SMYD3: variants seen among roughly 807,000 people sequenced by gnomAD.
SMYD3 encodes the protein SET and MYND domain containing 3.
SMYD3 carries 36 observed loss-of-function variants against 57.7 expected under a neutral mutation model. That is an observed-to-expected ratio of 0.62 (90% CI 0.48 to 0.82). SMYD3 has a LOEUF of 0.82. Ranked by LOEUF, SMYD3 falls within the 40% of genes least tolerant of loss-of-function variation. The pLI, the probability that SMYD3 is intolerant of heterozygous loss-of-function variation, is 0.00. For missense variants in SMYD3, 515 were observed against 538.8 expected, an observed-to-expected ratio of 0.96 and a Z score of 0.44; for synonymous variants, 211 against 195.0, an observed-to-expected ratio of 1.08 and a Z score of -0.68.
rs543024323 is a variant in SMYD3 at position 246,258,144 on chromosome 1, C to T, written c.531+69057G>A. ...CTCTGCCTCCTGGGTTCAAGCAATT[C>T]TCCTGCCTCAGCCTCCCGAGTAGCT... On this transcript the variant is annotated intron_variant, in intron 5 of 11. Coordinates refer to ENST00000490107, the MANE Select transcript of SMYD3 (RefSeq NM_001167740.2). Among the ~76,000 whole-genome samples the T allele has an allele frequency of 7.9e-4, 121 of 152,322 alleles. 2 individuals are homozygous for T. In the South Asian group the frequency reaches 0.024, roughly 31 times the overall value.
intron 5 of SMYD3, among the ~76,000 whole-genome samples, chr1:246,230,313 G>A (rs751571292): frequency 6.6e-6 from 1 of 151,894 alleles, no homozygotes; most frequent in Non-Finnish European, 1.5e-5. Context: ...GAAAGAATAG[G>A]CCATTTCCCT....
chr1:245,876,771 G>A (rs186059581), intron 8 of SMYD3, among the ~76,000 whole-genome samples: 474 of 152,332 alleles, frequency 3.1e-3, no homozygotes, highest in African/African-American at 0.011. Flanking sequence ...CATTCCAGTG[G>A]TTGAAACGGC....
chr1:246,232,304 A>G (rs980269494), intron 5 of SMYD3, among the ~76,000 whole-genome samples: 1 of 152,234 alleles, frequency 6.6e-6, no homozygotes, highest in Non-Finnish European at 1.5e-5. Context: ...AATTCTCAAC[A>G]GTAAAATAAA....
chr1:246,491,749 C>T (rs920154544), intron 1 of SMYD3, among the ~76,000 whole-genome samples: 9 of 152,048 alleles, frequency 5.9e-5, no homozygotes, highest in Admixed American at 4.6e-4. Flanking sequence ...AGGAACTGAC[C>T]GATACTATCA....
chr1:246,043,288 T>C (rs536237205), intron 5 of SMYD3, among the ~76,000 whole-genome samples: 14 of 152,356 alleles, frequency 9.2e-5, no homozygotes, highest in African/African-American at 3.4e-4. Context: ...TTCAGACTAA[T>C]ATTTACTGAG....
chr1:246,081,761 G>GA (rs2060640691), intron 5 of SMYD3, among the ~76,000 whole-genome samples: 1 of 152,170 alleles, frequency 6.6e-6, no homozygotes, highest in African/African-American at 2.4e-5. Flanking sequence ...CCTCCTGCTA[G>GA]AAAAAATTTA....
intron 7 of SMYD3, among the ~76,000 whole-genome samples, chr1:245,927,653 C>T (rs897204632): frequency 3.3e-5 from 5 of 152,148 alleles, no homozygotes; most frequent in African/African-American, 1.2e-4. Context: ...AACACACACC[C>T]TCTGTCATAC....
rs386370347 is a variant in SMYD3 at position 246,310,661 on chromosome 1, C to CTT, written c.531+16538_531+16539dup. On this transcript the variant is annotated intron_variant, in intron 5 of 11. Transcript: ENST00000490107. ...TTAGGGGAAAGGACAAAGAGTAAGGCTTTTTTTTTTTTTTTTTTTTTTTTC... is the reference window on the plus strand; with the variant it reads ...TTAGGGGAAAGGACAAAGAGTAAGGCTTTTTTTTTTTTTTTTTTTTTTTTTTC... Among the ~76,000 whole-genome samples, 41 of 72,204 alleles carry CTT rather than the reference C, an allele frequency of 5.7e-4. 2 individuals are homozygous for CTT. The highest frequency in any genetic ancestry group is 7.1e-4 in the Non-Finnish European group (29 of 41,062). The allele number at this position is 72,204 out of a possible 152,430, so 47.4% of individuals were successfully genotyped here.
intron 1 of SMYD3, among the ~76,000 whole-genome samples, chr1:246,431,451 C>T (rs1193992595): frequency 6.6e-6 from 1 of 152,114 alleles, no homozygotes; most frequent in Non-Finnish European, 1.5e-5. Context: ...AACTTTAGGC[C>T]AGGTGAGGTG....
rs1279348499 is a variant in SMYD3, at chr1:245,858,502, G to A, written c.1070C>T (p.Pro357Leu). The change falls in exon 10 of 12, where the codon CCA becomes CTA. Residue 357 changes from proline to leucine, a missense_variant. Coordinates refer to ENST00000490107, the MANE Select transcript of SMYD3 (RefSeq NM_001167740.2). Reference protein sequence around the residue: ...ALFYGTRTMEPYRIFFPGSHP... With the variant: ...ALFYGTRTMELYRIFFPGSHP... ...CCCTCTCCCTGGGACTTGCCTGTATGGCTCCATGGTCCGAGTACCATAGAA... is the reference window on the plus strand; with the variant it reads ...CCCTCTCCCTGGGACTTGCCTGTATAGCTCCATGGTCCGAGTACCATAGAA... 2.9e-5 allele frequency: 47 copies of A among 1,613,456 alleles called. No homozygotes were observed. Among genetic ancestry groups the A allele is most frequent in the Non-Finnish European group, 4.0e-5 (47 of 1,179,828 alleles).
chr1:245,774,367 G>A lies in SMYD3; in HGVS notation c.1077-10218C>T, dbSNP rs115682105. On this transcript the variant is annotated intron_variant, in intron 10 of 11. Coordinates refer to ENST00000490107, the MANE Select transcript of SMYD3 (RefSeq NM_001167740.2). ...ACAGATTACATGCAAGAGTCCCAGA[G>A]AGCTGACAAGCAGTTGCAGAGTGGA... is the stretch of plus-strand genomic sequence containing the variant. Among the ~76,000 whole-genome samples, 579 of 152,288 alleles carry A rather than the reference G, an allele frequency of 3.8e-3. 1 individual carries two copies. The highest frequency in any genetic ancestry group is 0.012 in the African/African-American group (518 of 41,556).
chr1:246,148,059 G>C (rs1447130164), intron 5 of SMYD3, among the ~76,000 whole-genome samples: 1 of 145,150 alleles, frequency 6.9e-6, no homozygotes, highest in Non-Finnish European at 1.5e-5. Context: ...GAAGGCGGCA[G>C]TCCCCGTAAG....
chr1:246,360,651 G>A (rs1300841451), intron 1 of SMYD3, among the ~76,000 whole-genome samples: 1 of 152,000 alleles, frequency 6.6e-6, no homozygotes, highest in African/African-American at 2.4e-5. Flanking sequence ...CCCAAATACT[G>A]ACAGCTAACT....
chr1:246,334,330 A>G (rs1282789155), intron 3 of SMYD3, among the ~76,000 whole-genome samples: 4 of 152,224 alleles, frequency 2.6e-5, no homozygotes, highest in Non-Finnish European at 5.9e-5. Context: ...TAACAGCACA[A>G]TGGATAAAGA....
At chr1:245,998,711 T>C (rs933353697) in intron 5 of SMYD3, among the ~76,000 whole-genome samples, 3 of 152,122 alleles carry the variant, frequency 2.0e-5, no homozygotes, top group Non-Finnish European at 4.4e-5. Flanking sequence ...TGCCCACCAA[T>C]GTTCATCGAA....
chr1:246,116,201 GACACACACACACACACACACACACACAC>G (rs56722969), intron 5 of SMYD3, among the ~76,000 whole-genome samples: 2 of 145,920 alleles, frequency 1.4e-5, no homozygotes, highest in Non-Finnish European at 3.0e-5. Context: ...CCCTGAGATG[GACACACACACACACACACACACACACAC>G]ACACACACAC....
At chr1:245,897,745 A>C (rs2053917903) in intron 8 of SMYD3, among the ~76,000 whole-genome samples, 1 of 152,052 alleles carries the variant, frequency 6.6e-6, no homozygotes, top group African/African-American at 2.4e-5. Flanking sequence ...AAAGTATAAA[A>C]AATTAGCCAG....
At chr1:246,233,462 A>C (rs201138847) in intron 5 of SMYD3, among the ~76,000 whole-genome samples, 19 of 129,854 alleles carry the variant, frequency 1.5e-4, no homozygotes, top group Admixed American at 2.5e-4. Flanking sequence ...CACTGTGATG[A>C]ACATATACCA....
At chr1:246,119,906 A>G (rs1204220801) in intron 5 of SMYD3, among the ~76,000 whole-genome samples, 1 of 152,188 alleles carries the variant, frequency 6.6e-6, no homozygotes, top group Admixed American at 6.5e-5. Context: ...CCTATAACAA[A>G]AGACAGATTG....
Sources: allele counts gnomAD v4.1 joint callset (sites outside exome capture counted in the v4.1 genomes callset), GRCh38; gene constraint gnomAD v4.1.1; transcripts MANE v1.5; gene names NCBI Gene and HGNC (gene_info 2026-07-23, HGNC 2026-07-21).